The following RPTOR variants were observed in gnomAD, a reference collection of about 807,000 sequenced individuals.
RPTOR encodes regulatory-associated protein of mTOR.
A neutral mutation model predicts 169.9 loss-of-function variants in RPTOR; 21 were observed. The ratio of observed to expected loss-of-function variants is 0.12; its 90% CI spans 0.09 to 0.18. The LOEUF is 0.18. RPTOR is among the 10% of genes least tolerant of loss of function. RPTOR has a pLI of 1.00. For synonymous variants in RPTOR, 732 were observed against 753.2 expected (o/e 0.97, Z 0.46); for missense variants, 1,133 against 1,855.9 (o/e 0.61, Z 7.16).
intron 20 of RPTOR, among the ~76,000 whole-genome samples, chr17:80,905,482 G>A (rs2068529415): frequency 6.6e-6 from 1 of 151,300 alleles, no homozygotes; most frequent in African/African-American, 2.4e-5. Context: ...TGTAGTCCCA[G>A]CTCCTCAGGA....
chr17:80,964,941 G>T lies in RPTOR; in HGVS notation c.*611G>T. On this transcript the variant is annotated 3_prime_UTR_variant, in exon 34 of 34. Coordinates refer to ENST00000306801, the MANE Select transcript of RPTOR (RefSeq NM_020761.3). ...CGGGTGTGAAGGAAGCCGCCCAGGG[G>T]TCCGGGCTGTCCTTGGCCGCTGGCA... 1 of 233,676 alleles carries T rather than the reference G, an allele frequency of 4.3e-6. No homozygotes were observed. The highest frequency in any genetic ancestry group is 8.4e-6 in the Non-Finnish European group (1 of 118,348). 14.5% of individuals were successfully genotyped at this position (233,676 alleles called of 1,614,324 possible). A position where few individuals can be genotyped will look rare whatever the true frequency, so the allele number is the denominator to read the frequency against.
intron 1 of RPTOR, among the ~76,000 whole-genome samples, chr17:80,574,758 C>T (rs970096708): frequency 6.6e-6 from 1 of 151,414 alleles, no homozygotes; most frequent in East Asian, 1.9e-4. Context: ...TGAGCTCAAG[C>T]GGTCTTCCCC....
At chr17:80,916,727 C>T (rs72859646) in intron 21 of RPTOR, among the ~76,000 whole-genome samples, 2,881 of 152,304 alleles carry the variant, frequency 0.019, 39 homozygotes, top group Non-Finnish European at 0.026. Context: ...TGGCCGAGTG[C>T]GATGGCTCAC....
chr17:80,965,137 C>T lies in RPTOR; in HGVS notation c.*807C>T. 1 of 233,360 alleles carries T rather than the reference C, an allele frequency of 4.3e-6. No individual in the cohort carries two copies. Among genetic ancestry groups the T allele is most frequent in the Non-Finnish European group, 8.5e-6 (1 of 118,092 alleles). 14.5% of individuals were successfully genotyped at this position (233,360 alleles called of 1,614,324 possible). ...TGCCTTAATCCACGGGGCTCCTTTC[C>T]CTCCGAAGGGCTGCTCTTCCCCACA... On this transcript the variant is annotated 3_prime_UTR_variant, in exon 34 of 34. Transcript: ENST00000306801.
At chr17:80,711,667 TTGACTTTTTAAA>T (rs2066191637) in intron 4 of RPTOR, among the ~76,000 whole-genome samples, 1 of 151,990 alleles carries the variant, frequency 6.6e-6, no homozygotes, top group African/African-American at 2.4e-5. Flanking sequence ...TGTTATGACA[TTGACTTTTTAAA>T]TGACTTTTTA....
chr17:80,750,800 C>A (rs1197711656), intron 5 of RPTOR, among the ~76,000 whole-genome samples: 1 of 152,010 alleles, frequency 6.6e-6, no homozygotes, highest in African/African-American at 2.4e-5. Context: ...TTAAAAAAAC[C>A]CACTCCTTGG....
chr17:80,821,800 G>A (rs146133491), intron 7 of RPTOR, among the ~76,000 whole-genome samples: 11 of 152,320 alleles, frequency 7.2e-5, no homozygotes, highest in African/African-American at 2.2e-4. Context: ...CAGCATGGAC[G>A]GTGTACTTCC....
At chr17:80,926,906 A>T (rs570458945) in intron 24 of RPTOR, among the ~76,000 whole-genome samples, 30 of 152,360 alleles carry the variant, frequency 2.0e-4, no homozygotes, top group African/African-American at 6.3e-4. Context: ...AAAGAATCAA[A>T]GAAACAAACC....
chr17:80,927,316 C>T (rs555497061), intron 24 of RPTOR, among the ~76,000 whole-genome samples: 1 of 152,350 alleles, frequency 6.6e-6, no homozygotes, highest in South Asian at 2.1e-4. Flanking sequence ...AAGAAACCCA[C>T]ATGGTCTGGT....
intron 21 of RPTOR, among the ~76,000 whole-genome samples, chr17:80,920,650 C>T (rs933383346): frequency 3.3e-5 from 5 of 152,228 alleles, no homozygotes; most frequent in African/African-American, 1.2e-4. Flanking sequence ...GGCGGCTCAG[C>T]GTGACGTCCC....
intron 7 of RPTOR, among the ~76,000 whole-genome samples, chr17:80,807,076 A>G (rs2067225927): frequency 6.6e-6 from 1 of 152,208 alleles, no homozygotes; most frequent in Non-Finnish European, 1.5e-5. Context: ...CACATTTTTA[A>G]AGTATCGTAG....
intron 21 of RPTOR, among the ~76,000 whole-genome samples, chr17:80,917,251 T>G (rs1192453347): frequency 6.6e-6 from 1 of 150,804 alleles, no homozygotes; most frequent in Non-Finnish European, 1.5e-5. Context: ...TAGCTGGGAT[T>G]ACAGGCACGC....
At chr17:80,733,989 G>A (rs1178566306) in intron 5 of RPTOR, among the ~76,000 whole-genome samples, 2 of 152,078 alleles carry the variant, frequency 1.3e-5, no homozygotes, top group East Asian at 3.9e-4. Context: ...TGCACTTTCT[G>A]TGATTGTCTT....
At chr17:80,857,664 A>G in intron 12 of RPTOR, 126 bp from the exon 13 acceptor site, 1 of 635,186 alleles carries the variant, frequency 1.6e-6, no homozygotes, top group Non-Finnish European at 2.8e-6. Context: ...AGTGAGGCCC[A>G]TTCATTCCTG....
intron 28 of RPTOR, among the ~76,000 whole-genome samples, chr17:80,951,372 C>T (rs1232328165): frequency 1.3e-5 from 2 of 152,346 alleles, no homozygotes; most frequent in South Asian, 2.1e-4. Flanking sequence ...GCGGCCTTCT[C>T]GGCCCAGACC....
chr17:80,920,000 C>T (rs924949124), intron 21 of RPTOR, among the ~76,000 whole-genome samples: 1 of 152,242 alleles, frequency 6.6e-6, no homozygotes, highest in African/African-American at 2.4e-5. Context: ...GCACTCAGCC[C>T]TCCAGTTTGC....
At chr17:80,839,742 C>CT (rs2067606753) in intron 10 of RPTOR, among the ~76,000 whole-genome samples, 1 of 152,232 alleles carries the variant, frequency 6.6e-6, no homozygotes, top group Non-Finnish European at 1.5e-5. Flanking sequence ...TTTCTGTACT[C>CT]TGAGCGTGGC....
intron 1 of RPTOR, among the ~76,000 whole-genome samples, chr17:80,563,237 T>C (rs2084524412): frequency 6.6e-6 from 1 of 152,032 alleles, no homozygotes; most frequent in Non-Finnish European, 1.5e-5. Context: ...ATTTTTATTT[T>C]TGAGACAGGG....
At chr17:80,700,760 G>GTGGTGGTGGTGGTGGTGA (rs2066091090) in intron 3 of RPTOR, among the ~76,000 whole-genome samples, 12 of 119,420 alleles carry the variant, frequency 1.0e-4, no homozygotes, top group African/African-American at 3.5e-4. Context: ...GGTGATGATG[G>GTGGTGGTGGTGGTGGTGA]TGATGGTGAT....
Sources: gnomAD v4.1 joint callset for allele counts (sites outside exome capture counted in the v4.1 genomes callset) on GRCh38, gnomAD v4.1.1 for gene constraint, MANE v1.5 for transcripts, NCBI Gene and HGNC (gene_info 2026-07-23, HGNC 2026-07-21) for gene names.